GIT1: variants seen among roughly 807,000 people sequenced by gnomAD.
GIT1 encodes GIT ArfGAP 1.
GIT1 carries 14 observed loss-of-function variants against 91.7 expected under a neutral mutation model. The ratio of observed to expected loss-of-function variants is 0.15; its 90% CI spans 0.10 to 0.24. The LOEUF is 0.24. Ranked by LOEUF, GIT1 falls within the 10% of genes least tolerant of loss-of-function variation. The pLI is 1.00. For synonymous variants in GIT1, 414 were observed against 418.2 expected, an observed-to-expected ratio of 0.99 and a Z score of 0.12; for missense variants, 717 against 1,024.9, an observed-to-expected ratio of 0.70 and a Z score of 4.10.
intron 15 of GIT1, 27 bp downstream of exon 15, chr17:29,576,051 A>G (rs766511353): frequency 2.5e-6 from 4 of 1,612,138 alleles, no homozygotes; most frequent in Non-Finnish European, 3.4e-6. Context: ...CTACTGGCTA[A>G]GATGGACACG....
chr17:29,574,125 AAAG>A lies in GIT1; in HGVS notation c.*574_*576del, dbSNP rs1412817544. 2.0e-5 allele frequency: 3 copies of A among 152,238 alleles called. No homozygotes were observed. Among genetic ancestry groups the A allele is most frequent in the Non-Finnish European group, 4.4e-5 (3 of 68,200 alleles). The allele number at this position is 152,238 out of a possible 1,614,324, so 9.4% of individuals were successfully genotyped here. On this transcript the variant is annotated 3_prime_UTR_variant, in exon 20 of 20. Coordinates refer to ENST00000225394, the MANE Select transcript of GIT1 (RefSeq NM_014030.4). ...TTAAAATTAAGGGGTGGGGAAGAAG[AAAG>A]AAAAAAAAAAAACAGACTTTCCAGT...
intron 2 of GIT1, 45 bp downstream of exon 2, chr17:29,583,438 A>G: frequency 6.3e-7 from 1 of 1,597,374 alleles, no homozygotes; most frequent in Non-Finnish European, 8.5e-7. Flanking sequence ...TGCTCAGCAC[A>G]CTCTGCCTGA....
At chr17:29,587,625 T>C (rs1374963596) in intron 1 of GIT1, among the ~76,000 whole-genome samples, 1 of 152,094 alleles carries the variant, frequency 6.6e-6, no homozygotes, top group African/African-American at 2.4e-5. Flanking sequence ...GGTGCTGCCC[T>C]TCACCCCTCC....
Position 29,576,271 on chromosome 17 carries a change from C to T in GIT1, c.1560G>A (p.Gly520=), listed in dbSNP as rs778505155. 2.5e-6 allele frequency: 4 copies of T among 1,611,494 alleles called. No homozygotes were observed. In the South Asian group the frequency reaches 3.3e-5, roughly 13 times the overall value. ...YEPGSALKPF[G]GPPGDELTTR... is the part of the protein sequence containing the mutation. ...TAGTGAGCTCGTCCCCAGGGGGGCCCCCAAAGGGCTTCAGGGCAGAGCCAG... is the reference window on the plus strand; with the variant it reads ...TAGTGAGCTCGTCCCCAGGGGGGCCTCCAAAGGGCTTCAGGGCAGAGCCAG... Residue 520 remains glycine, a synonymous_variant, in exon 14 of 20, where the codon GGG becomes GGA. Transcript: ENST00000225394.
chr17:29,577,421 ATAGAG>A (rs750302449), intron 10 of GIT1, among the ~76,000 whole-genome samples, 174 bp from the exon 11 acceptor site: 12 of 152,110 alleles, frequency 7.9e-5, no homozygotes, highest in Non-Finnish European at 1.2e-4. Flanking sequence ...GCAGGGTATG[ATAGAG>A]TAGGGTGCCT....
At chr17:29,588,252 T>C (rs2033665160) in intron 1 of GIT1, among the ~76,000 whole-genome samples, 1 of 152,168 alleles carries the variant, frequency 6.6e-6, no homozygotes, top group Non-Finnish European at 1.5e-5. Flanking sequence ...CTCCGCAGCC[T>C]GCCCAGGGGC....
intron 1 of GIT1, among the ~76,000 whole-genome samples, chr17:29,587,781 G>T (rs138437896): frequency 6.6e-6 from 1 of 152,258 alleles, no homozygotes; most frequent in Non-Finnish European, 1.5e-5. Context: ...GGGAACAAAG[G>T]CAACACTAAG....
chr17:29,574,311 G>A lies in GIT1; in HGVS notation c.*391C>T, dbSNP rs184533236. 1.2e-5 allele frequency: 3 copies of A among 259,322 alleles called. No individual in the cohort carries two copies. The East Asian group carries it at 3.2e-4, about 27-fold the overall frequency. The allele number at this position is 259,322 out of a possible 1,614,324, so 16.1% of individuals were successfully genotyped here. On this transcript the variant is annotated 3_prime_UTR_variant, in exon 20 of 20. Transcript: ENST00000225394. ...AGGGGATGCCCCCGCTCAGCCCCCA[G>A]TAGGGCTGAACTGGCTCATGGGGGT...
In GIT1 at chr17:29,589,238, CG is replaced by C. The variant is rs2033719050; in HGVS notation, c.52+88del. On this transcript the variant is annotated intron_variant, in intron 1 of 19. Transcript: ENST00000225394. The surrounding 1 kb of genome is among the most constrained non-coding windows in gnomAD (Gnocchi z 5.2). ...CAGCCCCCCGCCCCGCCCAGCCCTC[CG>C]GCCCCGCACAGCGCTCTTGCCAGGC... 5.0e-6 allele frequency: 2 copies of C among 403,750 alleles called. No homozygotes were observed. The highest frequency in any genetic ancestry group is 6.4e-5 in the Admixed American group (1 of 15,736). The allele number at this position is 403,750 out of a possible 1,614,324, so 25.0% of individuals were successfully genotyped here. A position where few individuals can be genotyped will look rare whatever the true frequency, so the allele number is the denominator to read the frequency against.
intron 1 of GIT1, among the ~76,000 whole-genome samples, chr17:29,584,856 ACT>A (rs1452553758): frequency 1.3e-5 from 2 of 150,922 alleles, no homozygotes; most frequent in East Asian, 3.9e-4. Flanking sequence ...AATTGAGGAG[ACT>A]CTGAGTCAGG....
chr17:29,583,951 C>A, intron 1 of GIT1: 2 of 331,812 alleles, frequency 6.0e-6, no homozygotes, highest in Non-Finnish European at 5.6e-6. Context: ...GTCTCTGCCC[C>A]AGCCCGTCCC....
chr17:29,588,888 G>C (rs947441913), intron 1 of GIT1, among the ~76,000 whole-genome samples: 2 of 152,174 alleles, frequency 1.3e-5, no homozygotes, highest in Admixed American at 1.3e-4. Context: ...CCCGGCAGGC[G>C]TACCGACCAC....
intron 7 of GIT1, among the ~76,000 whole-genome samples, chr17:29,579,552 C>T (rs554317566): frequency 9.2e-5 from 14 of 152,210 alleles, no homozygotes; most frequent in Non-Finnish European, 1.5e-4. Flanking sequence ...TGGAGACCAG[C>T]CTGGGCAACA....
intron 1 of GIT1, among the ~76,000 whole-genome samples, chr17:29,584,586 T>C (rs904307520): frequency 3.3e-5 from 5 of 152,192 alleles, no homozygotes; most frequent in South Asian, 4.1e-4. Context: ...GCAGCCATTG[T>C]GTGCCGCCTG....
chr17:29,579,543 G>A (rs1339318973), intron 7 of GIT1, among the ~76,000 whole-genome samples: 4 of 152,104 alleles, frequency 2.6e-5, no homozygotes, highest in Non-Finnish European at 4.4e-5. Flanking sequence ...GCCAGGAGGT[G>A]GAGACCAGCC....
At position 29,581,707 on chromosome 17, in the gene GIT1, C is replaced by T; in HGVS notation, c.718+35G>A. ...CCCACCTGCCCAGCCCCAGCCAGGC[C>T]TGTCACAGCCAGGCGCCCCCCAAGC... On this transcript the variant is annotated intron_variant, in intron 6 of 19. Coordinates refer to ENST00000225394, the MANE Select transcript of GIT1 (RefSeq NM_014030.4). The surrounding 1 kb of genome is among the most constrained non-coding windows in gnomAD (Gnocchi z 4.8). The T allele has an allele frequency of 6.4e-7, 1 of 1,552,876 alleles. No individual in the cohort carries two copies. Among genetic ancestry groups the T allele is most frequent in the Non-Finnish European group, 8.8e-7 (1 of 1,132,932 alleles).
In GIT1 at chr17:29,574,471, A is replaced by G. The variant is rs2033110020; in HGVS notation, c.*231T>C. The G allele has an allele frequency of 1.7e-6, 1 of 596,332 alleles. No individual in the cohort carries two copies. Among genetic ancestry groups the G allele is most frequent in the Non-Finnish European group, 3.0e-6 (1 of 331,706 alleles). 36.9% of individuals were successfully genotyped at this position (596,332 alleles called of 1,614,324 possible). On this transcript the variant is annotated 3_prime_UTR_variant, in exon 20 of 20. Coordinates refer to ENST00000225394, the MANE Select transcript of GIT1 (RefSeq NM_014030.4). ...CACTAGGAGGGGGGAGATGCTATAT[A>G]CAGAGGGGAGGTGCATGGAATGTGG...
In GIT1 at chr17:29,575,729, G is replaced by A. The variant is rs79321602; in HGVS notation, c.1753-26C>T. The A allele has an allele frequency of 1.7e-3, 2,679 of 1,611,858 alleles. 84 individuals are homozygous for A. The East Asian group carries it at 0.043, about 26-fold the overall frequency. On this transcript the variant is annotated intron_variant, in intron 16 of 19. Coordinates refer to ENST00000225394, the MANE Select transcript of GIT1 (RefSeq NM_014030.4). This position sits in a 1 kb window ranked among gnomAD's most constrained non-coding sequence, Gnocchi z 5.5. ...CTGGAGGGCGGAGGGAAGGGGCTGT[G>A]AGCGCCGTGTTCCTGGACCCACACT... is the stretch of plus-strand genomic sequence containing the variant.
chr17:29,575,480 A>C lies in GIT1; in HGVS notation c.1827-10T>G. 1 of 1,595,572 alleles carries C rather than the reference A, an allele frequency of 6.3e-7. No homozygotes were observed. The highest frequency in any genetic ancestry group is 8.5e-7 in the Non-Finnish European group (1 of 1,170,794). ...CCTCTTCCCTTCCAGCCTGAGGCCC[A>C]GGTCCAGAAAACAGAGACAAAGATA... On this transcript the variant is annotated splice_polypyrimidine_tract_variant and intron_variant, in intron 17 of 19. Transcript: ENST00000225394. This position sits in a 1 kb window ranked among gnomAD's most constrained non-coding sequence, Gnocchi z 5.5.
Sources: gnomAD v4.1 joint callset for allele counts (sites outside exome capture counted in the v4.1 genomes callset) on GRCh38, gnomAD v4.1.1 for gene constraint, Gnocchi (gnomAD v3.1) non-coding constraint, MANE v1.5 for transcripts, NCBI Gene and HGNC (gene_info 2026-07-23, HGNC 2026-07-21) for gene names.